CSMD1: variants seen among roughly 807,000 people sequenced by gnomAD.
CSMD1 encodes CUB and Sushi multiple domains 1, also known as CUB and sushi domain-containing protein 1.
Under a neutral mutation model 417.5 loss-of-function variants are expected in CSMD1, and 213 were observed. The observed-to-expected ratio is 0.51, with a 90% CI of 0.46 to 0.57. CSMD1 has a LOEUF of 0.57. Ranked by LOEUF, CSMD1 falls within the 20% of genes least tolerant of loss-of-function variation. The probability of loss-of-function intolerance (pLI) is 0.00; values close to 1 mark genes in which losing one functional copy is unlikely to be tolerated. For synonymous variants in CSMD1, 2,862 were observed against 1,736.8 expected (o/e 1.65, Z -16.11); for missense variants, 6,923 against 4,529.7 (o/e 1.53, Z -15.17).
intron 1 of CSMD1, among the ~76,000 whole-genome samples, chr8:4,772,822 C>A (rs1428437035): frequency 6.6e-6 from 1 of 152,116 alleles, no homozygotes; most frequent in Non-Finnish European, 1.5e-5. Context: ...ACTAACATTT[C>A]CTAAGTTTGA....
At chr8:3,262,256 T>C (rs1348324663) in intron 26 of CSMD1, among the ~76,000 whole-genome samples, 1 of 129,638 alleles carries the variant, frequency 7.7e-6, no homozygotes, top group African/African-American at 3.0e-5. Flanking sequence ...ATTTCAAAAT[T>C]CCGAGAGGTT....
intron 7 of CSMD1, among the ~76,000 whole-genome samples, chr8:3,654,895 G>A (rs2469393): frequency 0.45 from 67,997 of 152,000 alleles, 16,316 homozygotes; most frequent in Non-Finnish European, 0.54. Flanking sequence ...GGAGACAGGA[G>A]CTGGGCTCCA....
chr8:3,114,785 T>TA (rs1474509485), intron 42 of CSMD1, among the ~76,000 whole-genome samples: 2 of 152,186 alleles, frequency 1.3e-5, no homozygotes, highest in South Asian at 4.1e-4. Context: ...ACCTTAAATT[T>TA]AAAAAATATG....
intron 3 of CSMD1, among the ~76,000 whole-genome samples, chr8:4,203,579 G>A (rs1799796251): frequency 6.6e-6 from 1 of 152,028 alleles, no homozygotes; most frequent in African/African-American, 2.4e-5. Context: ...AGTGTAGCTG[G>A]GAGACTTAGA....
intron 37 of CSMD1, among the ~76,000 whole-genome samples, chr8:3,168,733 G>T (rs985195783): frequency 6.6e-6 from 1 of 151,914 alleles, no homozygotes; most frequent in Non-Finnish European, 1.5e-5. Context: ...TTATCATCTG[G>T]GAAATTTAGA....
chr8:4,512,828 A>G (rs2130353226), intron 2 of CSMD1, among the ~76,000 whole-genome samples: 1 of 152,190 alleles, frequency 6.6e-6, no homozygotes, highest in South Asian at 2.1e-4. Flanking sequence ...TAAAAAAAAA[A>G]AAACCTCAGT....
intron 10 of CSMD1, among the ~76,000 whole-genome samples, chr8:3,539,585 G>T (rs533243610): frequency 6.6e-6 from 1 of 152,180 alleles, no homozygotes; most frequent in African/African-American, 2.4e-5. Flanking sequence ...ACTTCGCCAA[G>T]AATTGAAGCG....
At chr8:3,942,963 T>C (rs1810981775) in intron 5 of CSMD1, among the ~76,000 whole-genome samples, 1 of 152,114 alleles carries the variant, frequency 6.6e-6, no homozygotes, top group African/African-American at 2.4e-5. Flanking sequence ...CTTAGATATA[T>C]TGTGACAGTT....
chr8:4,104,216 C>T (rs1347955087), intron 3 of CSMD1, among the ~76,000 whole-genome samples: 1 of 152,186 alleles, frequency 6.6e-6, no homozygotes, highest in Admixed American at 6.5e-5. Context: ...TGTGAATGTA[C>T]GTGAGTGCGG....
intron 7 of CSMD1, among the ~76,000 whole-genome samples, chr8:3,694,800 T>G (rs1459797619): frequency 1.3e-5 from 2 of 151,812 alleles, no homozygotes; most frequent in Non-Finnish European, 1.5e-5. Context: ...TAACAGAAAG[T>G]GCAGGGAGCC....
At chr8:2,942,642 T>C in intron 68 of CSMD1, 38 bp from the exon 69 acceptor site, 5 of 1,479,640 alleles carry the variant, frequency 3.4e-6, no homozygotes, top group Non-Finnish European at 4.5e-6. Context: ...GTTGTTACTG[T>C]ACTCTGCTTA....
At chr8:3,284,819 A>T (rs1247126689) in intron 25 of CSMD1, among the ~76,000 whole-genome samples, 1 of 152,200 alleles carries the variant, frequency 6.6e-6, no homozygotes, top group Non-Finnish European at 1.5e-5. Context: ...GACCTTTTCT[A>T]CCTGTGTCTG....
chr8:4,042,312 T>C (rs751416560), intron 3 of CSMD1, among the ~76,000 whole-genome samples: 4 of 152,138 alleles, frequency 2.6e-5, no homozygotes, highest in African/African-American at 7.2e-5. Flanking sequence ...TAATGTTCTG[T>C]GTAGAGAGAC....
intron 3 of CSMD1, among the ~76,000 whole-genome samples, chr8:4,248,681 C>T (rs900075442): frequency 1.3e-5 from 2 of 152,088 alleles, no homozygotes; most frequent in Non-Finnish European, 2.9e-5. Context: ...CCTGTCCTGC[C>T]CTAGACATTA....
At chr8:4,585,372 C>T (rs1799647446) in intron 2 of CSMD1, among the ~76,000 whole-genome samples, 1 of 152,032 alleles carries the variant, frequency 6.6e-6, no homozygotes, top group African/African-American at 2.4e-5. Context: ...AAGGTTAATA[C>T]ACAATTTTTG....
At chr8:4,357,257 G>T (rs1314147761) in intron 3 of CSMD1, among the ~76,000 whole-genome samples, 5 of 152,094 alleles carry the variant, frequency 3.3e-5, no homozygotes, top group Non-Finnish European at 7.4e-5. Flanking sequence ...GAGGTTCAGG[G>T]ACTAAAAAGT....
chr8:4,803,879 G>T (rs1459447243), intron 1 of CSMD1, among the ~76,000 whole-genome samples: 1 of 152,126 alleles, frequency 6.6e-6, no homozygotes, highest in Admixed American at 6.5e-5. Flanking sequence ...TTTAATGAGA[G>T]CCAAGTGTTA....
At chr8:3,317,218 G>A (rs1160775533) in intron 23 of CSMD1, among the ~76,000 whole-genome samples, 1 of 152,122 alleles carries the variant, frequency 6.6e-6, no homozygotes, top group Middle Eastern at 3.2e-3. Flanking sequence ...TATTAACCCA[G>A]AAAAGGAATA....
chr8:3,009,844 T>C (rs926231199), intron 52 of CSMD1, among the ~76,000 whole-genome samples: 4 of 152,184 alleles, frequency 2.6e-5, no homozygotes, highest in Non-Finnish European at 4.4e-5. Flanking sequence ...ACAAATCCAT[T>C]TGATCAGATC....
Sources: gnomAD v4.1 joint callset for allele counts (sites outside exome capture counted in the v4.1 genomes callset) on GRCh38, gnomAD v4.1.1 for gene constraint, MANE v1.5 for transcripts, NCBI Gene and HGNC (gene_info 2026-07-23, HGNC 2026-07-21) for gene names.